The following KIAA1328 variants were observed in gnomAD, a reference collection of about 807,000 sequenced individuals.
KIAA1328 encodes protein hinderin.
KIAA1328 carries 52 observed loss-of-function variants against 68.1 expected under a neutral mutation model. The ratio of observed to expected loss-of-function variants is 0.76; its 90% CI spans 0.61 to 0.96. The LOEUF (loss-of-function observed/expected upper bound fraction) is 0.96, where lower values mean the gene tolerates loss of function less well. KIAA1328 is among the 40% of genes least tolerant of loss of function. The pLI, the probability that KIAA1328 is intolerant of heterozygous loss-of-function variation, is 0.00. For synonymous variants in KIAA1328, 232 were observed against 239.4 expected (o/e 0.97, Z 0.28); for missense variants, 641 against 677.6 (o/e 0.95, Z 0.60).
chr18:37,159,403 C>T (rs1172187582), intron 7 of KIAA1328, among the ~76,000 whole-genome samples: 1 of 152,088 alleles, frequency 6.6e-6, no homozygotes, highest in African/African-American at 2.4e-5. Flanking sequence ...TGCCTCTATG[C>T]ATTTCCATGT....
Position 36,911,513 on chromosome 18 carries a change from G to A in KIAA1328, c.448+25841G>A, listed in dbSNP as rs528991222. On this transcript the variant is annotated intron_variant, in intron 5 of 9. Coordinates refer to ENST00000280020, the MANE Select transcript of KIAA1328 (RefSeq NM_020776.3). The stretch of plus-strand genomic sequence containing the variant: ...AGGTTTAACTTTCTACTACCTCAGT[G>A]TAACCTTGTACAAAAGCATTCCATG... Among the ~76,000 whole-genome samples, 3 of 152,238 alleles carry A rather than the reference G, an allele frequency of 2.0e-5. No individual in the cohort carries two copies. The South Asian group carries it at 6.2e-4, about 32-fold the overall frequency.
At chr18:36,934,432 T>G (rs945918515) in intron 5 of KIAA1328, among the ~76,000 whole-genome samples, 39 of 152,124 alleles carry the variant, frequency 2.6e-4, no homozygotes, top group African/African-American at 8.2e-4. Context: ...TTAGCATTAG[T>G]CATATCTCCT....
chr18:37,196,785 G>T (rs1363178165), intron 9 of KIAA1328, among the ~76,000 whole-genome samples: 1 of 152,008 alleles, frequency 6.6e-6, no homozygotes, highest in East Asian at 1.9e-4. Context: ...AGTAATGCTG[G>T]TCTTGCAGAA....
intron 5 of KIAA1328, among the ~76,000 whole-genome samples, chr18:36,941,310 A>G (rs2050703381): frequency 1.3e-5 from 2 of 152,116 alleles, no homozygotes; most frequent in Non-Finnish European, 2.9e-5. Context: ...AAAAGGAGAT[A>G]GAGGCCAGGT....
chr18:36,925,563 A>T (rs1449036750), intron 5 of KIAA1328, among the ~76,000 whole-genome samples: 1 of 149,690 alleles, frequency 6.7e-6, no homozygotes, highest in African/African-American at 2.5e-5. Context: ...TTGAGATGGG[A>T]TCTCACTCTG....
chr18:37,044,265 G>A (rs1315503154), intron 6 of KIAA1328, among the ~76,000 whole-genome samples: 1 of 151,900 alleles, frequency 6.6e-6, no homozygotes, highest in Non-Finnish European at 1.5e-5. Flanking sequence ...GATTTATAGT[G>A]GTAGTTCCTG....
At chr18:37,086,841 T>C (rs2057119122) in intron 7 of KIAA1328, among the ~76,000 whole-genome samples, 1 of 152,218 alleles carries the variant, frequency 6.6e-6, no homozygotes, top group Non-Finnish European at 1.5e-5. Context: ...TTAGGACTTA[T>C]CTTTCTCTAA....
intron 9 of KIAA1328, among the ~76,000 whole-genome samples, chr18:37,196,074 A>G (rs947302618): frequency 2.6e-5 from 4 of 151,402 alleles, no homozygotes; most frequent in African/African-American, 9.7e-5. Flanking sequence ...TTTCTTTCTT[A>G]GTTTCTTTTT....
At chr18:36,916,021 CAT>C (rs528481470) in intron 5 of KIAA1328, among the ~76,000 whole-genome samples, 70 of 152,272 alleles carry the variant, frequency 4.6e-4, no homozygotes, top group South Asian at 2.5e-3. Flanking sequence ...ATTTTTCACT[CAT>C]GTGTAATGTG....
chr18:36,986,230 A>G (rs150668327), intron 6 of KIAA1328, among the ~76,000 whole-genome samples: 11 of 152,238 alleles, frequency 7.2e-5, no homozygotes, highest in African/African-American at 2.4e-4. Flanking sequence ...AAATTGTGGT[A>G]TATCTATATA....
intron 6 of KIAA1328, among the ~76,000 whole-genome samples, chr18:36,975,773 T>C (rs2052448149): frequency 6.6e-6 from 1 of 152,200 alleles, no homozygotes; most frequent in Non-Finnish European, 1.5e-5. Flanking sequence ...TTGTTAAAGC[T>C]TTTTGTTTCT....
intron 7 of KIAA1328, among the ~76,000 whole-genome samples, chr18:37,150,999 A>G (rs1479331892): frequency 6.6e-6 from 1 of 152,190 alleles, no homozygotes; most frequent in African/African-American, 2.4e-5. Context: ...AGTAAGTGAA[A>G]CTGTCTTTAT....
intron 5 of KIAA1328, among the ~76,000 whole-genome samples, chr18:36,913,657 A>G (rs960573162): frequency 1.3e-5 from 2 of 151,202 alleles, no homozygotes; most frequent in African/African-American, 4.8e-5. Context: ...ATTGTCTCCA[A>G]ACAATTATGT....
intron 6 of KIAA1328, among the ~76,000 whole-genome samples, chr18:36,961,079 A>G (rs1226656055): frequency 1.3e-5 from 2 of 152,212 alleles, no homozygotes; most frequent in Non-Finnish European, 2.9e-5. Context: ...AAAAAGTTAG[A>G]TGAATGGCTA....
At chr18:36,873,728 G>A (rs1467949558) in intron 4 of KIAA1328, among the ~76,000 whole-genome samples, 3 of 152,094 alleles carry the variant, frequency 2.0e-5, no homozygotes, top group Non-Finnish European at 4.4e-5. Context: ...TGGGATACAT[G>A]TGCAGAACGT....
intron 5 of KIAA1328, among the ~76,000 whole-genome samples, chr18:36,922,030 C>G (rs2049946156): frequency 6.6e-6 from 1 of 151,914 alleles, no homozygotes; most frequent in Non-Finnish European, 1.5e-5. Context: ...CAGCTTCAAG[C>G]AATTCTCCTG....
chr18:37,059,957 C>A lies in KIAA1328; in HGVS notation c.577-6933C>A, dbSNP rs569702481. On this transcript the variant is annotated intron_variant, in intron 6 of 9. Transcript: ENST00000280020. Reference sequence around the variant, plus strand: ...CACAGGAACAGAAAACCAAACACTACATGTTCTCACTCATAACTGGGAGGG... The same window carrying A: ...CACAGGAACAGAAAACCAAACACTAAATGTTCTCACTCATAACTGGGAGGG... 2.6e-5 allele frequency among the ~76,000 whole-genome samples: 4 copies of A among 151,080 alleles called. No individual in the cohort carries two copies. In the South Asian group the frequency reaches 8.4e-4, roughly 32 times the overall value.
chr18:37,217,572 C>T (rs1025190422), intron 9 of KIAA1328, among the ~76,000 whole-genome samples: 3 of 152,150 alleles, frequency 2.0e-5, no homozygotes, highest in African/African-American at 7.2e-5. Flanking sequence ...TGTGGGTAAC[C>T]TGACCTTTCT....
chr18:37,167,008 ATTC>A (rs1202129700), intron 8 of KIAA1328, among the ~76,000 whole-genome samples: 1 of 152,214 alleles, frequency 6.6e-6, no homozygotes, highest in Non-Finnish European at 1.5e-5. Context: ...ATTAACACAA[ATTC>A]TTCTCAGACT....
Sources: gnomAD v4.1 joint callset for allele counts (sites outside exome capture counted in the v4.1 genomes callset) on GRCh38, gnomAD v4.1.1 for gene constraint, MANE v1.5 for transcripts, NCBI Gene and HGNC (gene_info 2026-07-23, HGNC 2026-07-21) for gene names.